MCM8: variants seen among roughly 807,000 people sequenced by gnomAD.
MCM8 encodes the protein minichromosome maintenance 8 homologous recombination repair factor.
In MCM8, 85 loss-of-function variants were observed where a neutral mutation model predicts 98.9. The ratio of observed to expected loss-of-function variants is 0.86; its 90% CI spans 0.72 to 1.03. The LOEUF (loss-of-function observed/expected upper bound fraction) is 1.03, where lower values mean the gene tolerates loss of function less well. MCM8 is among the 50% of genes least tolerant of loss of function. The pLI, the probability that MCM8 is intolerant of heterozygous loss-of-function variation, is 0.00. For synonymous variants in MCM8, 352 were observed against 338.6 expected, an observed-to-expected ratio of 1.04 and a Z score of -0.44; for missense variants, 951 against 997.8, an observed-to-expected ratio of 0.95 and a Z score of 0.63.
chr20:5,964,173 C>T (rs1462760074), intron 8 of MCM8, among the ~76,000 whole-genome samples: 2 of 140,164 alleles, frequency 1.4e-5, no homozygotes, highest in Admixed American at 7.3e-5. Context: ...TGTTTTTCAT[C>T]CCATAATTGA....
At chr20:5,984,737 T>G in intron 14 of MCM8, 44 bp from the exon 15 acceptor site, 1 of 1,514,402 alleles carries the variant, frequency 6.6e-7, no homozygotes, top group African/African-American at 1.4e-5. Context: ...TAGTTTTTCC[T>G]TTTGATTCCA....
At chr20:5,971,533 C>T (rs1218486677) in intron 10 of MCM8, among the ~76,000 whole-genome samples, 1 of 152,170 alleles carries the variant, frequency 6.6e-6, no homozygotes, top group African/African-American at 2.4e-5. Flanking sequence ...GCCTCATTTT[C>T]TTATTTAATT....
intron 6 of MCM8, among the ~76,000 whole-genome samples, chr20:5,957,843 A>G (rs1568570781): frequency 6.6e-6 from 1 of 152,222 alleles, no homozygotes; most frequent in Non-Finnish European, 1.5e-5. Context: ...TAAGATTTTA[A>G]ATTCATTAGA....
chr20:5,967,729 A>G (rs1286066279), intron 9 of MCM8, 101 bp from the exon 10 acceptor site: 1 of 1,350,606 alleles, frequency 7.4e-7, no homozygotes, highest in South Asian at 1.5e-5. Flanking sequence ...TTAAAAAAAC[A>G]TGTATTTGTA....
intron 2 of MCM8, 103 bp downstream of exon 2, chr20:5,952,266 A>T: frequency 6.4e-7 from 1 of 1,563,796 alleles, no homozygotes. Flanking sequence ...CTTTTATTTC[A>T]TGCTACTCCT....
chr20:5,982,592 T>C (rs1302067568), intron 13 of MCM8, among the ~76,000 whole-genome samples: 1 of 152,240 alleles, frequency 6.6e-6, no homozygotes, highest in Non-Finnish European at 1.5e-5. Context: ...ATAAACTTAC[T>C]ATATGTGTAT....
In MCM8 at chr20:5,979,662, C is replaced by T. The variant is rs562132418; in HGVS notation, c.1537+1645C>T. On this transcript the variant is annotated intron_variant, in intron 13 of 18. Transcript: ENST00000610722. Reference sequence around the variant, plus strand: ...TGTTGGCTGTACCATCAAAATATATCTGCTATCTAACCACTTCTTCATTAC... The same window carrying T: ...TGTTGGCTGTACCATCAAAATATATTTGCTATCTAACCACTTCTTCATTAC... Among the ~76,000 whole-genome samples the T allele has an allele frequency of 3.3e-5, 5 of 152,288 alleles. No homozygotes were observed. The East Asian group carries it at 9.6e-4, about 29-fold the overall frequency.
chr20:5,989,922 C>T (rs2089813704), intron 17 of MCM8, among the ~76,000 whole-genome samples: 1 of 152,220 alleles, frequency 6.6e-6, no homozygotes, highest in African/African-American at 2.4e-5. Flanking sequence ...CTAGAATTGA[C>T]AGCTCTTAAT....
In MCM8 at chr20:5,972,652, T is replaced by A. The variant is rs997095222; in HGVS notation, c.1255-404T>A. ...TCACTGCAACCTCCACCTCCCAAGT[T>A]CAAACAGTTCTCCCACCTCAGCCTG... On this transcript the variant is annotated intron_variant, in intron 11 of 18. Transcript: ENST00000610722. The A allele has an allele frequency of 3.8e-6, 3 of 780,052 alleles. No individual in the cohort carries two copies. In the African/African-American group the frequency reaches 5.4e-5, roughly 14 times the overall value. The allele number at this position is 780,052 out of a possible 1,614,324, so 48.3% of individuals were successfully genotyped here. A position where few individuals can be genotyped will look rare whatever the true frequency, so the allele number is the denominator to read the frequency against.
chr20:5,992,262 T>A (rs532268000), intron 17 of MCM8, among the ~76,000 whole-genome samples: 9 of 152,196 alleles, frequency 5.9e-5, no homozygotes, highest in Non-Finnish European at 1.2e-4. Context: ...GTCACTTTAA[T>A]CTTAGCATAG....
chr20:5,954,773 A>G, intron 4 of MCM8, 83 bp downstream of exon 4: 1 of 827,884 alleles, frequency 1.2e-6, no homozygotes, highest in Admixed American at 2.1e-5. Context: ...GATCGTAGGC[A>G]CTGGAGTCAG....
intron 11 of MCM8, 94 bp downstream of exon 11, chr20:5,972,131 C>A (rs2089417233): frequency 2.3e-6 from 2 of 869,948 alleles, no homozygotes; most frequent in South Asian, 1.6e-5. Context: ...TTTCTATTGG[C>A]CAGTTATTTA....
chr20:5,993,973 A>G (rs1245806632), intron 18 of MCM8: 1 of 353,710 alleles, frequency 2.8e-6, no homozygotes, highest in Middle Eastern at 7.8e-4. Context: ...AGTTCTCGTG[A>G]AAATCAATGT....
Position 5,952,029 on chromosome 20 carries a change from A to G in MCM8, c.14A>G (p.Tyr5Cys). Reference sequence around the variant, plus strand: ...CTTTTAGGAGAGATGAATGGAGAGTATAGAGGCAGAGGATTTGGACGAGGA... The same window carrying G: ...CTTTTAGGAGAGATGAATGGAGAGTGTAGAGGCAGAGGATTTGGACGAGGA... MNGE[Y>C]RGRGFGRGRF... Residue 5 changes from tyrosine (Y) to cysteine (C), a missense_variant, in exon 2 of 19, where the codon TAT (tyrosine) becomes TGT (cysteine). Transcript: ENST00000610722. The G allele has an allele frequency of 1.9e-6, 3 of 1,613,782 alleles. No homozygotes were observed. The highest frequency in any genetic ancestry group is 2.5e-6 in the Non-Finnish European group (3 of 1,179,718).
At chr20:5,955,873 G>A (rs1187365358) in intron 5 of MCM8, among the ~76,000 whole-genome samples, 2 of 151,948 alleles carry the variant, frequency 1.3e-5, no homozygotes, top group Non-Finnish European at 2.9e-5. Context: ...CTGCCTCCCG[G>A]GTTCAAGTGA....
chr20:5,958,285 C>T (rs1396456333), intron 6 of MCM8, among the ~76,000 whole-genome samples: 1 of 152,210 alleles, frequency 6.6e-6, no homozygotes, highest in Non-Finnish European at 1.5e-5. Flanking sequence ...AGGAGAATCA[C>T]TTGAACCCGG....
chr20:5,994,484 C>CAT lies in MCM8; in HGVS notation c.*94_*95insTA, dbSNP rs2122857540. On this transcript the variant is annotated 3_prime_UTR_variant, in exon 19 of 19. Transcript: ENST00000610722. The stretch of plus-strand genomic sequence containing the variant: ...GTGCACGCACAGACAGACAGACACA[C>CAT]ACACACACACACACACACACACACA... 1 of 441,990 alleles carries CAT rather than the reference C, an allele frequency of 2.3e-6. No individual in the cohort carries two copies. The highest frequency in any genetic ancestry group is 5.6e-5 in the East Asian group (1 of 17,792). The allele number at this position is 441,990 out of a possible 1,614,324, so 27.4% of individuals were successfully genotyped here. A position where few individuals can be genotyped will look rare whatever the true frequency, so the allele number is the denominator to read the frequency against.
At chr20:5,966,244 C>G (rs765847628) in intron 8 of MCM8, among the ~76,000 whole-genome samples, 5 of 151,992 alleles carry the variant, frequency 3.3e-5, no homozygotes, top group South Asian at 2.1e-4. Context: ...CTAGTTGTCT[C>G]TATCCTGCTT....
intron 3 of MCM8, among the ~76,000 whole-genome samples, chr20:5,953,447 G>A (rs1226608603): frequency 1.3e-5 from 2 of 149,590 alleles, no homozygotes; most frequent in Non-Finnish European, 3.0e-5. Flanking sequence ...GGGTGTGTGT[G>A]TGTGTGTGTG....
Sources: allele counts gnomAD v4.1 joint callset (sites outside exome capture counted in the v4.1 genomes callset), GRCh38; gene constraint gnomAD v4.1.1; transcripts MANE v1.5; gene names NCBI Gene and HGNC (gene_info 2026-07-23, HGNC 2026-07-21).